Variants in DSCAML1 observed in about 807,000 individuals in gnomAD.
DSCAML1 encodes cell adhesion molecule DSCAML1.
A neutral mutation model predicts 200.5 loss-of-function variants in DSCAML1; 38 were observed. That is an observed-to-expected ratio of 0.19 (90% CI 0.15 to 0.25). The LOEUF is 0.25. Among genes scored for constraint, DSCAML1 ranks in the 10% least tolerant of loss-of-function variants. The pLI is 1.00. For missense variants in DSCAML1, 2,223 were observed against 2,858.8 expected (o/e 0.78, Z 5.07); for synonymous variants, 1,215 against 1,165.0 (o/e 1.04, Z -0.87).
intron 8 of DSCAML1, among the ~76,000 whole-genome samples, chr11:117,512,383 C>CAGCG (rs1430933276): frequency 1.3e-5 from 2 of 152,148 alleles, no homozygotes; most frequent in African/African-American, 4.8e-5. Flanking sequence ...GCTAATCAAG[C>CAGCG]AGCGTGATCA....
chr11:117,472,336 GCTATC>G (rs983479778), intron 14 of DSCAML1, among the ~76,000 whole-genome samples: 2 of 152,164 alleles, frequency 1.3e-5, no homozygotes, highest in African/African-American at 4.8e-5. Context: ...CCATCTGTTT[GCTATC>G]CCTGAGGGTC....
At chr11:117,581,021 G>T (rs1030560075) in intron 3 of DSCAML1, among the ~76,000 whole-genome samples, 1 of 152,206 alleles carries the variant, frequency 6.6e-6, no homozygotes, top group Non-Finnish European at 1.5e-5. Flanking sequence ...ATGCAAAAAT[G>T]ACTTGGTGAG....
chr11:117,627,087 T>C (rs973676655), intron 3 of DSCAML1, among the ~76,000 whole-genome samples: 3 of 152,166 alleles, frequency 2.0e-5, no homozygotes, highest in Non-Finnish European at 4.4e-5. Flanking sequence ...ATTAGACTAA[T>C]AACAGCAGAT....
At chr11:117,764,841 C>T (rs187449566) in intron 3 of DSCAML1, among the ~76,000 whole-genome samples, 22 of 152,338 alleles carry the variant, frequency 1.4e-4, no homozygotes, top group Admixed American at 2.6e-4. Flanking sequence ...CCCAGCCACA[C>T]GCTCTTAGAA....
At chr11:117,766,953 G>A (rs1264459639) in intron 3 of DSCAML1, among the ~76,000 whole-genome samples, 1 of 152,094 alleles carries the variant, frequency 6.6e-6, no homozygotes, top group Non-Finnish European at 1.5e-5. Context: ...TAGGGCATAG[G>A]CATCAAAACC....
In DSCAML1 at chr11:117,631,744, C is replaced by T. The variant is rs948184325; in HGVS notation, c.512-99222G>A. ...TCCCATTACTCCTTCAATCAATCAT[C>T]CACTCATCTAACCATCCAGCCACTC... On this transcript the variant is annotated intron_variant, in intron 3 of 32. Coordinates refer to ENST00000651296, the MANE Select transcript of DSCAML1 (RefSeq NM_020693.4). Among the ~76,000 whole-genome samples the T allele has an allele frequency of 1.4e-4, 19 of 138,336 alleles. 1 individual carries two copies. The highest frequency in any genetic ancestry group is 1.3e-3 in the Admixed American group (16 of 12,492). 90.8% of individuals were successfully genotyped at this position (138,336 alleles called of 152,430 possible).
At chr11:117,581,896 T>C (rs1298976040) in intron 3 of DSCAML1, among the ~76,000 whole-genome samples, 2 of 152,266 alleles carry the variant, frequency 1.3e-5, no homozygotes, top group African/African-American at 4.8e-5. Flanking sequence ...TTTCCAGAAA[T>C]GCTTCTTGTC....
At chr11:117,561,488 G>T (rs1334273624) in intron 3 of DSCAML1, among the ~76,000 whole-genome samples, 4 of 152,190 alleles carry the variant, frequency 2.6e-5, no homozygotes, top group African/African-American at 9.6e-5. Context: ...ACAGTTCTGT[G>T]GGGCTGCTCC....
Position 117,780,712 on chromosome 11 carries a change from C to T in DSCAML1, c.145G>A (p.Ala49Thr). 6.3e-7 allele frequency: 1 copy of T among 1,579,306 alleles called. No homozygotes were observed. The highest frequency in any genetic ancestry group is 1.2e-5 in the South Asian group (1 of 86,840). ...SSVGVVVPCP[A>T]AGSPSAALRW... ...AGGGCCGCGCTGGGGGAGCCCGCGG[C>T]CGGGCAGGGCACCACCACCCCCACG... Residue 49 changes from alanine to threonine, a missense_variant, in exon 2 of 33, where the codon GCC becomes ACC. Coordinates refer to ENST00000651296, the MANE Select transcript of DSCAML1 (RefSeq NM_020693.4). This position sits in a 1 kb window ranked among gnomAD's most constrained non-coding sequence, Gnocchi z 4.8.
At chr11:117,783,661 A>G (rs2055301122) in intron 1 of DSCAML1, among the ~76,000 whole-genome samples, 1 of 152,196 alleles carries the variant, frequency 6.6e-6, no homozygotes, top group African/African-American at 2.4e-5. Flanking sequence ...TAACTTCCCC[A>G]AAGTGATACA....
At chr11:117,612,336 C>T (rs1033429532) in intron 3 of DSCAML1, among the ~76,000 whole-genome samples, 17 of 152,200 alleles carry the variant, frequency 1.1e-4, no homozygotes, top group African/African-American at 4.1e-4. Context: ...CATCATCAGA[C>T]AAGTCAGATG....
At chr11:117,512,127 G>C (rs1449075243) in intron 8 of DSCAML1, among the ~76,000 whole-genome samples, 1 of 152,184 alleles carries the variant, frequency 6.6e-6, no homozygotes, top group African/African-American at 2.4e-5. Flanking sequence ...GAGACTTCCA[G>C]TTTTATCTCA....
intron 3 of DSCAML1, among the ~76,000 whole-genome samples, chr11:117,695,588 G>A (rs10892163): frequency 0.15 from 23,092 of 152,030 alleles, 2,599 homozygotes; most frequent in African/African-American, 0.31. Context: ...AACCTGAGGA[G>A]GGGTTAGAGG....
At chr11:117,792,688 G>C (rs528227076) in intron 1 of DSCAML1, among the ~76,000 whole-genome samples, 4 of 152,138 alleles carry the variant, frequency 2.6e-5, no homozygotes, top group African/African-American at 9.7e-5. Context: ...GGCAGCCCTA[G>C]GCACCCAGCT....
chr11:117,581,238 A>G (rs1417654704), intron 3 of DSCAML1, among the ~76,000 whole-genome samples: 2 of 152,194 alleles, frequency 1.3e-5, no homozygotes, highest in African/African-American at 4.8e-5. Context: ...TCACTATCAA[A>G]GTGTAATTAT....
intron 3 of DSCAML1, among the ~76,000 whole-genome samples, chr11:117,597,718 A>G (rs898873210): frequency 6.6e-6 from 1 of 152,032 alleles, no homozygotes; most frequent in Non-Finnish European, 1.5e-5. Context: ...GGCCTCCCAA[A>G]GTGCTGGTAT....
intron 18 of DSCAML1, among the ~76,000 whole-genome samples, chr11:117,459,631 C>T (rs75055670): frequency 1.3e-5 from 2 of 152,258 alleles, no homozygotes; most frequent in East Asian, 3.8e-4. Flanking sequence ...CTGCAAGGAC[C>T]TTCTCATAGA....
intron 3 of DSCAML1, among the ~76,000 whole-genome samples, chr11:117,743,003 T>TCATCCATCCCTC (rs1555024948): frequency 6.6e-6 from 1 of 150,892 alleles, no homozygotes. Context: ...CACTCCACTT[T>TCATCCATCCCTC]CATCCATCCA....
chr11:117,468,463 T>C (rs535370750), intron 16 of DSCAML1, among the ~76,000 whole-genome samples: 2 of 152,350 alleles, frequency 1.3e-5, no homozygotes, highest in East Asian at 3.9e-4. Context: ...CAGAGCTTTG[T>C]AGCCCAATGT....
Sources: gnomAD v4.1 joint callset for allele counts (sites outside exome capture counted in the v4.1 genomes callset) on GRCh38, gnomAD v4.1.1 for gene constraint, Gnocchi (gnomAD v3.1) non-coding constraint, MANE v1.5 for transcripts, NCBI Gene and HGNC (gene_info 2026-07-23, HGNC 2026-07-21) for gene names.